DMD: variants seen among roughly 807,000 people sequenced by gnomAD.
DMD encodes the protein dystrophin.
In DMD, 63 loss-of-function variants were observed where a neutral mutation model predicts 330.1. The observed-to-expected ratio is 0.19, with a 90% CI of 0.16 to 0.24. The LOEUF is 0.24. DMD is among the 10% of genes least tolerant of loss of function. The pLI is 1.00. For missense variants in DMD, 3,344 were observed against 2,684.1 expected, an observed-to-expected ratio of 1.25 and a Z score of -5.43; for synonymous variants, 1,223 against 959.8, an observed-to-expected ratio of 1.27 and a Z score of -5.07.
At chrX:31,724,606 G>A (rs894237255) in intron 52 of DMD, among the ~76,000 whole-genome samples, 2 of 111,545 alleles carry the variant, frequency 1.8e-5, no homozygotes, top group Non-Finnish European at 3.8e-5. Context: ...TTGGAATTCT[G>A]TTTCAGAAGT....
intron 11 of DMD, among the ~76,000 whole-genome samples, chrX:32,636,093 T>C (rs772718261): frequency 3.6e-5 from 4 of 112,194 alleles, no homozygotes; most frequent in Non-Finnish European, 7.5e-5. Context: ...GTAGTTTCCA[T>C]TGGAGAATGA....
rs1345584438 is a variant in DMD, at chrX:33,006,389, A to T, written c.93+13750T>A. ...ATCAAGACAGTGTATTGGCAAAATA[A>T]TAGACAAATACATCAATAGAACAGA... is the stretch of plus-strand genomic sequence containing the variant. On this transcript the variant is annotated intron_variant, in intron 2 of 78. Coordinates refer to ENST00000357033, the MANE Select transcript of DMD (RefSeq NM_004006.3). Among the ~76,000 whole-genome samples the T allele has an allele frequency of 1.8e-5, 2 of 112,207 alleles. 1 individual carries two copies. Among genetic ancestry groups the T allele is most frequent in the Non-Finnish European group, 3.8e-5 (2 of 53,129 alleles).
At chrX:32,418,491 C>G (rs1410911081) in intron 29 of DMD, among the ~76,000 whole-genome samples, 1 of 111,501 alleles carries the variant, frequency 9.0e-6, no homozygotes, top group Non-Finnish European at 1.9e-5. Context: ...GTTTTATATC[C>G]GTCTACCAAC....
intron 2 of DMD, among the ~76,000 whole-genome samples, chrX:32,862,247 C>A (rs1377501507): frequency 8.9e-6 from 1 of 112,005 alleles, no homozygotes; most frequent in African/African-American, 3.2e-5. Context: ...TATAATCTCT[C>A]CAGATATAAA....
intron 9 of DMD, among the ~76,000 whole-genome samples, chrX:32,652,805 C>T (rs1447161880): frequency 9.0e-6 from 1 of 111,706 alleles, no homozygotes; most frequent in African/African-American, 3.3e-5. Context: ...CTTATTTCTC[C>T]ACATCCTCTC....
intron 7 of DMD, among the ~76,000 whole-genome samples, chrX:32,725,078 G>T (rs187294016): frequency 9.0e-6 from 1 of 111,551 alleles, no homozygotes; most frequent in Admixed American, 9.6e-5. Flanking sequence ...CACAACAGAA[G>T]AAAGTATACA....
At chrX:31,760,482 C>A (rs971683193) in intron 51 of DMD, among the ~76,000 whole-genome samples, 1 of 111,843 alleles carries the variant, frequency 8.9e-6, no homozygotes, top group Admixed American at 9.5e-5. Context: ...TGATTAGATA[C>A]ACAAATACTT....
chrX:32,886,544 G>A (rs1302794665), intron 2 of DMD, among the ~76,000 whole-genome samples: 8 of 109,905 alleles, frequency 7.3e-5, no homozygotes, highest in South Asian at 4.0e-4. Flanking sequence ...TTAGCCAGGC[G>A]TGGTGGCAGG....
chrX:32,181,413 CA>C (rs1386407172), intron 44 of DMD, among the ~76,000 whole-genome samples: 1 of 111,863 alleles, frequency 8.9e-6, no homozygotes, highest in Non-Finnish European at 1.9e-5. Context: ...GCTTCCTGCT[CA>C]GCTTGCTAAG....
chrX:31,595,499 T>C (rs762496442), intron 55 of DMD, among the ~76,000 whole-genome samples: 2 of 111,122 alleles, frequency 1.8e-5, no homozygotes, highest in Non-Finnish European at 3.8e-5. Context: ...GAAAGGACAT[T>C]GAGTAGTGCT....
At chrX:32,827,660 CTTTTT>C (rs5902039) in intron 4 of DMD, among the ~76,000 whole-genome samples, 17 of 72,279 alleles carry the variant, frequency 2.4e-4, no homozygotes, top group African/African-American at 1.1e-4. Context: ...ATTAACTCCC[CTTTTT>C]TTTTTTTTTT....
intron 1 of DMD, among the ~76,000 whole-genome samples, chrX:33,249,913 T>C (rs992876680): frequency 1.8e-5 from 2 of 109,790 alleles, no homozygotes; most frequent in Admixed American, 2.0e-4. Context: ...GAATGCACCA[T>C]CTGACATTTT....
intron 30 of DMD, among the ~76,000 whole-genome samples, chrX:32,405,734 G>C (rs764011098): frequency 8.1e-5 from 9 of 111,370 alleles, no homozygotes; most frequent in Admixed American, 3.8e-4. Context: ...TGGCGATGCA[G>C]GCTCCTTTAT....
intron 59 of DMD, among the ~76,000 whole-genome samples, chrX:31,458,903 G>T: frequency 9.0e-6 from 1 of 110,792 alleles, no homozygotes; most frequent in Middle Eastern, 4.7e-3. Flanking sequence ...AAATTGAGAT[G>T]GTTCCAAAGG....
intron 2 of DMD, among the ~76,000 whole-genome samples, chrX:32,951,703 G>C (rs1314030900): frequency 9.0e-6 from 1 of 111,538 alleles, no homozygotes; most frequent in African/African-American, 3.3e-5. Flanking sequence ...AAAGAGACTT[G>C]AGGACTAATT....
chrX:31,451,099 T>G (rs67020238), intron 59 of DMD, among the ~76,000 whole-genome samples: 21,660 of 97,609 alleles, frequency 0.22, 2,582 homozygotes, highest in African/African-American at 0.45. Flanking sequence ...TTATATTTTG[T>G]TTTTTTTTTT....
At chrX:31,209,455 C>T in intron 65 of DMD, 43 bp downstream of exon 65, 2 of 1,165,006 alleles carry the variant, frequency 1.7e-6, no homozygotes, top group Non-Finnish European at 2.3e-6. Flanking sequence ...TACGCTAAGC[C>T]TCCTGTGACA....
At chrX:31,903,283 G>A (rs1193264921) in intron 47 of DMD, among the ~76,000 whole-genome samples, 1 of 111,060 alleles carries the variant, frequency 9.0e-6, no homozygotes, top group Non-Finnish European at 1.9e-5. Flanking sequence ...TTTCAGTGGG[G>A]ACTAGCCATA....
chrX:31,230,464 T>A (rs2047082463), intron 63 of DMD, among the ~76,000 whole-genome samples: 1 of 110,296 alleles, frequency 9.1e-6, no homozygotes, highest in Admixed American at 9.6e-5. Context: ...CTGGCCAACA[T>A]GGTGAAACCC....
Sources: allele counts gnomAD v4.1 joint callset (sites outside exome capture counted in the v4.1 genomes callset), GRCh38; gene constraint gnomAD v4.1.1; transcripts MANE v1.5; gene names NCBI Gene and HGNC (gene_info 2026-07-23, HGNC 2026-07-21).